Variants in PIRT observed in about 807,000 individuals in gnomAD.
PIRT encodes the protein phosphoinositide-interacting protein.
Under a neutral mutation model 7.9 loss-of-function variants are expected in PIRT, and 6 were observed. The ratio of observed to expected loss-of-function variants is 0.76; its 90% CI spans 0.42 to 1.51. The LOEUF is 1.51. PIRT is among the 40% of genes most tolerant of loss of function. The pLI is 0.01. For synonymous variants in PIRT, 78 were observed against 71.8 expected, an observed-to-expected ratio of 1.09 and a Z score of -0.44; for missense variants, 170 against 172.9, an observed-to-expected ratio of 0.98 and a Z score of 0.09.
intron 1 of PIRT, among the ~76,000 whole-genome samples, chr17:10,829,333 TG>T (rs2151534514): frequency 6.6e-6 from 1 of 152,286 alleles, no homozygotes; most frequent in Admixed American, 6.5e-5. Flanking sequence ...AGCTGCCATC[TG>T]GGAGTGAGGG....
intron 1 of PIRT, among the ~76,000 whole-genome samples, chr17:10,834,568 G>A (rs1402062757): frequency 6.6e-6 from 1 of 152,086 alleles, no homozygotes; most frequent in African/African-American, 2.4e-5. Flanking sequence ...TGTCAATATG[G>A]TGCTGTTAGA....
At chr17:10,828,495 G>A (rs569592285) in intron 1 of PIRT, among the ~76,000 whole-genome samples, 1 of 152,244 alleles carries the variant, frequency 6.6e-6, no homozygotes, top group Admixed American at 6.5e-5. Flanking sequence ...TTTATGAGTG[G>A]GATGTGGGAG....
chr17:10,835,779 GC>G (rs1195899978), intron 1 of PIRT, among the ~76,000 whole-genome samples: 1 of 152,234 alleles, frequency 6.6e-6, no homozygotes, highest in East Asian at 1.9e-4. Flanking sequence ...AAGATGCCTG[GC>G]ATGTGCCACT....
At chr17:10,836,305 A>G (rs1905592843) in intron 1 of PIRT, among the ~76,000 whole-genome samples, 1 of 152,180 alleles carries the variant, frequency 6.6e-6, no homozygotes, top group African/African-American at 2.4e-5. Context: ...CTACACCTGT[A>G]CATCTCCACC....
At chr17:10,826,183 C>T (rs558087988) in intron 1 of PIRT, among the ~76,000 whole-genome samples, 2 of 152,220 alleles carry the variant, frequency 1.3e-5, no homozygotes, top group East Asian at 1.9e-4. Flanking sequence ...AGGCTGGTCT[C>T]GAACTCCTGA....
chr17:10,826,462 A>G (rs1276365912), intron 1 of PIRT, among the ~76,000 whole-genome samples: 3 of 152,258 alleles, frequency 2.0e-5, no homozygotes, highest in African/African-American at 4.8e-5. Context: ...AGCATATGGC[A>G]AATACTCCAT....
chr17:10,825,506 C>T lies in PIRT; in HGVS notation c.140G>A (p.Ser47Asn), dbSNP rs759430341. ...GGGCTTGCGGTAGATTTCCCAGTTA[C>T]TCCTGGGGGTGGTGGTCCAGACAGA... Reference protein sequence around the residue: ...SESVWTTTPRSNWEIYRKPIV... With the variant: ...SESVWTTTPRNNWEIYRKPIV... The change falls in exon 2 of 2, where the codon AGT (serine) becomes AAT (asparagine). Residue 47 changes from serine to asparagine, a missense_variant. Coordinates refer to ENST00000580256, the MANE Select transcript of PIRT (RefSeq NM_001101387.2). The T allele has an allele frequency of 4.3e-6, 7 of 1,613,676 alleles. No individual in the cohort carries two copies. The highest frequency in any genetic ancestry group is 1.3e-5 in the African/African-American group (1 of 74,920).
At chr17:10,827,500 G>GTTTTTTTTTTTTTTTTTTTTTTTTTTTTT (rs1395262502) in intron 1 of PIRT, among the ~76,000 whole-genome samples, 1 of 54,428 alleles carries the variant, frequency 1.8e-5, no homozygotes, top group African/African-American at 8.8e-5. Flanking sequence ...TTGAAGTGGA[G>GTTTTTTTTTTTTTTTTTTTTTTTTTTTTT]TTTTGCTCTT....
rs1311159994 is a variant in PIRT at position 10,825,350 on chromosome 17, A to G, written c.296T>C (p.Leu99Pro). Residue 99 changes from leucine (L) to proline (P), a missense_variant, in exon 2 of 2, where the codon CTG becomes CCG. Coordinates refer to ENST00000580256, the MANE Select transcript of PIRT (RefSeq NM_001101387.2). ...CCCGCACACCAGCATCATGAGTCCC[A>G]GGGACAGGAAGCCAGGCCCTACCAT... ...LKMVGPGFLSLGLMMLVCGLV... is the reference protein window; with the variant it reads ...LKMVGPGFLSPGLMMLVCGLV... 3 of 1,613,998 alleles carry G rather than the reference A, an allele frequency of 1.9e-6. No homozygotes were observed. The African/African-American group carries it at 4.0e-5, about 22-fold the overall frequency.
chr17:10,831,844 C>G (rs1265372267), intron 1 of PIRT, among the ~76,000 whole-genome samples: 1 of 152,190 alleles, frequency 6.6e-6, no homozygotes, highest in African/African-American at 2.4e-5. Flanking sequence ...GGACTCACCT[C>G]AGATTTGAAT....
Position 10,825,601 on chromosome 17 carries a change from C to A in PIRT, c.45G>T (p.Lys15Asn), listed in dbSNP as rs1319945032. The A allele has an allele frequency of 6.5e-7, 1 of 1,547,072 alleles. No individual in the cohort carries two copies. The highest frequency in any genetic ancestry group is 1.4e-5 in the African/African-American group (1 of 73,202). Residue 15 changes from lysine (K) to asparagine (N), a missense_variant, in exon 2 of 2, where the codon AAG (lysine) becomes AAT (asparagine). Lys to Asn is a moderately conservative substitution (Grantham distance 94, BLOSUM62 0). Coordinates refer to ENST00000580256, the MANE Select transcript of PIRT (RefSeq NM_001101387.2). The stretch of plus-strand genomic sequence containing the variant: ...GCAGCAGGTCCTTGGCTTCTGGAGA[C>A]TTCTCATCGACCTCTAGAACCTTGG... ...TLPKVLEVDE[K>N]SPEAKDLLPS...
chr17:10,836,861 G>A (rs1026859740), intron 1 of PIRT, among the ~76,000 whole-genome samples: 2 of 152,184 alleles, frequency 1.3e-5, no homozygotes, highest in African/African-American at 4.8e-5. Context: ...GTGGTAAGAA[G>A]TGGAGGGTCC....
chr17:10,835,172 A>G (rs910851010), intron 1 of PIRT, among the ~76,000 whole-genome samples: 1 of 152,160 alleles, frequency 6.6e-6, no homozygotes, highest in Non-Finnish European at 1.5e-5. Context: ...CGAAGTTCCT[A>G]CAAAAATCTC....
intron 1 of PIRT, among the ~76,000 whole-genome samples, chr17:10,828,505 G>A (rs929409015): frequency 1.8e-4 from 28 of 152,134 alleles, no homozygotes; most frequent in Admixed American, 1.4e-3. Context: ...GGATGTGGGA[G>A]ATTTCTTTCC....
At chr17:10,829,519 T>A (rs1423526320) in intron 1 of PIRT, among the ~76,000 whole-genome samples, 1 of 152,168 alleles carries the variant, frequency 6.6e-6, no homozygotes, top group African/African-American at 2.4e-5. Context: ...TGAGGCCCAG[T>A]GGGGTTTAGG....
Position 10,838,046 on chromosome 17 carries a change from A to G in PIRT, c.-240T>C, listed in dbSNP as rs8080318. 0.18 allele frequency: 28,077 copies of G among 152,186 alleles called. 2,736 individuals are homozygous for G. Among genetic ancestry groups the G allele is most frequent in the African/African-American group, 0.22 (9,194 of 41,464 alleles). 9.4% of individuals were successfully genotyped at this position (152,186 alleles called of 1,614,324 possible). On this transcript the variant is annotated 5_prime_UTR_variant, in exon 1 of 2. Coordinates refer to ENST00000580256, the MANE Select transcript of PIRT (RefSeq NM_001101387.2). The stretch of plus-strand genomic sequence containing the variant: ...GTTTCTGCTCAAGTCCATGCCAGCC[A>G]GAGAAAGCCACCCTGACCACGTCCA...
intron 1 of PIRT, among the ~76,000 whole-genome samples, chr17:10,829,987 CTATCTATCTATCTATCTATCT>C (rs1405109814): frequency 6.6e-6 from 1 of 151,898 alleles, no homozygotes; most frequent in African/African-American, 2.4e-5. Flanking sequence ...ATCTATCTAT[CTATCTATCTATCTATCTATCT>C]ATCATCATCA....
chr17:10,835,128 C>T (rs561163395), intron 1 of PIRT, among the ~76,000 whole-genome samples: 37 of 152,292 alleles, frequency 2.4e-4, no homozygotes, highest in South Asian at 1.5e-3. Context: ...TAAGTGACCG[C>T]TCACCTCGCC....
In PIRT at chr17:10,824,342, A is replaced by G. The variant is rs901920281; in HGVS notation, c.*890T>C. ...TCAGATATGGAACTTGATTCTCTCA[A>G]TTTTGATCTTGATGGACGTGAAAGG... On this transcript the variant is annotated 3_prime_UTR_variant, in exon 2 of 2. Transcript: ENST00000580256. 2.6e-5 allele frequency: 4 copies of G among 152,186 alleles called. No individual in the cohort carries two copies. The highest frequency in any genetic ancestry group is 4.4e-5 in the Non-Finnish European group (3 of 68,042). 9.4% of individuals were successfully genotyped at this position (152,186 alleles called of 1,614,324 possible).
Sources: allele counts gnomAD v4.1 joint callset (sites outside exome capture counted in the v4.1 genomes callset), GRCh38; gene constraint gnomAD v4.1.1; transcripts MANE v1.5; gene names NCBI Gene and HGNC (gene_info 2026-07-23, HGNC 2026-07-21).